Variants in CCDC15 observed in about 807,000 individuals in gnomAD.
CCDC15 encodes the protein coiled-coil domain containing 15.
A neutral mutation model predicts 114.5 loss-of-function variants in CCDC15; 105 were observed. That is an observed-to-expected ratio of 0.92 (90% CI 0.78 to 1.08). The LOEUF is 1.08. Among genes scored for constraint, CCDC15 ranks in the 50% least tolerant of loss-of-function variants. The probability of loss-of-function intolerance (pLI) is 0.00; values close to 1 mark genes in which losing one functional copy is unlikely to be tolerated. For synonymous variants in CCDC15, 334 were observed against 377.8 expected, an observed-to-expected ratio of 0.88 and a Z score of 1.34; for missense variants, 1,105 against 1,093.6, an observed-to-expected ratio of 1.01 and a Z score of -0.15.
At chr11:125,038,727 C>A in intron 14 of CCDC15, 123 bp downstream of exon 14, 1 of 1,186,268 alleles carries the variant, frequency 8.4e-7, no homozygotes, top group Non-Finnish European at 1.2e-6. Context: ...TTTAGGAGTT[C>A]ATAACTTCAC....
chr11:124,998,841 C>T (rs1948423869), intron 11 of CCDC15, among the ~76,000 whole-genome samples: 1 of 150,956 alleles, frequency 6.6e-6, no homozygotes, highest in African/African-American at 2.4e-5. Context: ...CAGGTTCAAG[C>T]GATTCTCCTG....
At chr11:124,959,368 T>C in intron 3 of CCDC15, 104 bp downstream of exon 3, 1 of 914,768 alleles carries the variant, frequency 1.1e-6, no homozygotes, top group Non-Finnish European at 1.6e-6. Flanking sequence ...ATTACATGCC[T>C]AATATAATCT....
In CCDC15 at chr11:125,038,441, AAGAG is replaced by A; in HGVS notation, c.2427_2430del (p.Arg809SerfsTer12). ...TGATTTTATTTTCAGAATTAAGAAAAAGAGAGAGCAAGAATGTTATGCTGCAGAG... is the reference window on the plus strand; with the variant it reads ...TGATTTTATTTTCAGAATTAAGAAAAAGAGCAAGAATGTTATGCTGCAGAG... On this transcript the variant is annotated frameshift_variant, in exon 14 of 16. Transcript: ENST00000344762. LOFTEE classifies it high-confidence loss of function. 2.0e-6 allele frequency: 3 copies of A among 1,492,416 alleles called. No homozygotes were observed. The highest frequency in any genetic ancestry group is 2.7e-6 in the Non-Finnish European group (3 of 1,123,912). 92.4% of individuals were successfully genotyped at this position (1,492,416 alleles called of 1,614,324 possible). A position where few individuals can be genotyped will look rare whatever the true frequency, so the allele number is the denominator to read the frequency against.
intron 13 of CCDC15, among the ~76,000 whole-genome samples, chr11:125,023,823 T>C (rs1293883573): frequency 6.6e-6 from 1 of 152,024 alleles, no homozygotes; most frequent in Admixed American, 6.6e-5. Context: ...GAAGTATGGC[T>C]ATAATGTGGA....
chr11:125,005,863 G>C (rs900423835), intron 13 of CCDC15, among the ~76,000 whole-genome samples: 1 of 151,982 alleles, frequency 6.6e-6, no homozygotes, highest in African/African-American at 2.4e-5. Context: ...ATGCATGTAC[G>C]TTTCCTCTAA....
At chr11:125,034,587 A>C (rs999281856) in intron 13 of CCDC15, among the ~76,000 whole-genome samples, 3 of 152,170 alleles carry the variant, frequency 2.0e-5, no homozygotes, top group African/African-American at 7.2e-5. Context: ...CAACCAACCA[A>C]CTTCATTATG....
At chr11:125,022,056 C>T (rs924937917) in intron 13 of CCDC15, among the ~76,000 whole-genome samples, 2 of 151,872 alleles carry the variant, frequency 1.3e-5, no homozygotes, top group Non-Finnish European at 2.9e-5. Context: ...TACGCAGATC[C>T]CTAGCCAAGA....
chr11:124,976,118 AT>A (rs907496377), intron 5 of CCDC15, among the ~76,000 whole-genome samples: 1 of 151,108 alleles, frequency 6.6e-6, no homozygotes, highest in African/African-American at 2.4e-5. Context: ...GCCAATAAAT[AT>A]GTTATTTTTT....
chr11:125,040,066 G>A (rs866616632), intron 15 of CCDC15, among the ~76,000 whole-genome samples: 5 of 144,084 alleles, frequency 3.5e-5, no homozygotes, highest in African/African-American at 8.0e-5. Context: ...TTTTTTTTCC[G>A]AGACAGCCTC....
At chr11:125,040,475 C>T in intron 15 of CCDC15, 115 bp from the exon 16 acceptor site, 1 of 896,268 alleles carries the variant, frequency 1.1e-6, no homozygotes, top group Non-Finnish European at 1.6e-6. Context: ...AATATTTATT[C>T]AATAGATAGT....
intron 13 of CCDC15, among the ~76,000 whole-genome samples, chr11:125,024,257 C>T (rs765176098): frequency 6.6e-6 from 1 of 151,994 alleles, no homozygotes; most frequent in African/African-American, 2.4e-5. Flanking sequence ...ATCAGATAGT[C>T]TTAACCCTCC....
rs1947632575 is a variant in CCDC15 at position 124,960,120 on chromosome 11, T to C, written c.516+117T>C. 6 of 645,108 alleles carry C rather than the reference T, an allele frequency of 9.3e-6. No individual in the cohort carries two copies. The South Asian group carries it at 3.1e-4, about 33-fold the overall frequency. 40.0% of individuals were successfully genotyped at this position (645,108 alleles called of 1,614,324 possible). A position where few individuals can be genotyped will look rare whatever the true frequency, so the allele number is the denominator to read the frequency against. ...AGAGTTATCACACTCAGCTTCACTT[T>C]TGATAATCATCCCCCTTTTTTTTTT... On this transcript the variant is annotated intron_variant, in intron 4 of 15. Transcript: ENST00000344762.
chr11:124,983,206 A>C (rs1175323913), intron 6 of CCDC15, among the ~76,000 whole-genome samples: 1 of 152,146 alleles, frequency 6.6e-6, no homozygotes, highest in East Asian at 1.9e-4. Context: ...TGTAATACTT[A>C]GATTCCTTGG....
chr11:125,031,988 C>G (rs946298167), intron 13 of CCDC15, among the ~76,000 whole-genome samples: 2 of 152,212 alleles, frequency 1.3e-5, no homozygotes, highest in Non-Finnish European at 2.9e-5. Flanking sequence ...GAAGGAATAT[C>G]TCGACAGGTC....
chr11:125,031,139 G>A (rs1333286218), intron 13 of CCDC15, among the ~76,000 whole-genome samples: 2 of 152,192 alleles, frequency 1.3e-5, no homozygotes, highest in South Asian at 2.1e-4. Context: ...TGCATTGCTC[G>A]AAGTTCTGCC....
chr11:125,030,241 G>T (rs545374877), intron 13 of CCDC15, among the ~76,000 whole-genome samples: 2 of 152,136 alleles, frequency 1.3e-5, no homozygotes, highest in African/African-American at 4.8e-5. Flanking sequence ...GATTCAGAGC[G>T]TACACAGCCT....
At chr11:124,955,266 G>A (rs1295882266) in intron 2 of CCDC15, among the ~76,000 whole-genome samples, 1 of 152,152 alleles carries the variant, frequency 6.6e-6, no homozygotes, top group Non-Finnish European at 1.5e-5. Flanking sequence ...AACTTAGTAT[G>A]GATGATAGTT....
intron 13 of CCDC15, among the ~76,000 whole-genome samples, chr11:125,030,780 C>T (rs564545417): frequency 2.0e-4 from 30 of 152,306 alleles, no homozygotes; most frequent in African/African-American, 6.5e-4. Context: ...ATCCCTGCCA[C>T]CATGGCTACT....
chr11:124,954,795 C>A lies in CCDC15; in HGVS notation c.63C>A (p.Asn21Lys), dbSNP rs766270882. Residue 21 changes from asparagine (N) to lysine (K), a missense_variant, in exon 2 of 16, where the codon AAC becomes AAA. By Grantham distance (94) the Asn-to-Lys change is moderately conservative. Transcript: ENST00000344762. Reference protein sequence around the residue: ...RNTSRLPLALNPLKSKDVLAV... With the variant: ...RNTSRLPLALKPLKSKDVLAV... ...CCTCAAGGTTGCCCCTGGCTTTAAA[C>A]CCCCTGAAGAGCAAGGACGTGTTGG... The A allele has an allele frequency of 4.3e-6, 7 of 1,613,892 alleles. No homozygotes were observed. In the Admixed American group the frequency reaches 8.3e-5, roughly 19 times the overall value.
Sources: gnomAD v4.1 joint callset for allele counts (sites outside exome capture counted in the v4.1 genomes callset) on GRCh38, gnomAD v4.1.1 for gene constraint, MANE v1.5 for transcripts, NCBI Gene and HGNC (gene_info 2026-07-23, HGNC 2026-07-21) for gene names.